The following FTO variants were observed in gnomAD, a reference collection of about 807,000 sequenced individuals.
FTO encodes the protein alpha-ketoglutarate-dependent dioxygenase FTO.
Under a neutral mutation model 63.9 loss-of-function variants are expected in FTO, and 47 were observed. The observed-to-expected ratio is 0.74, with a 90% CI of 0.58 to 0.94. The LOEUF (loss-of-function observed/expected upper bound fraction) is 0.94. FTO is among the 40% of genes least tolerant of loss of function. The probability of loss-of-function intolerance (pLI) is 0.00; values close to 1 mark genes in which losing one functional copy is unlikely to be tolerated. For synonymous variants in FTO, 207 were observed against 224.4 expected (o/e 0.92, Z 0.69); for missense variants, 562 against 618.1 (o/e 0.91, Z 0.96).
At chr16:53,904,743 G>C (rs1347565155) in intron 7 of FTO, among the ~76,000 whole-genome samples, 1 of 152,116 alleles carries the variant, frequency 6.6e-6, no homozygotes, top group Non-Finnish European at 1.5e-5. Context: ...GTTGGAATCT[G>C]TTCAGGTCTG....
At chr16:53,834,005 C>T (rs1421149887) in intron 3 of FTO, among the ~76,000 whole-genome samples, 1 of 151,716 alleles carries the variant, frequency 6.6e-6, no homozygotes, top group African/African-American at 2.4e-5. Context: ...GCAATATTTT[C>T]TTCAAGGATA....
In FTO at chr16:53,873,828, C is replaced by T. The variant is rs1462889039; in HGVS notation, c.938C>T (p.Ser313Leu). The stretch of plus-strand genomic sequence containing the variant: ...CACCAACACTGTGTTTTGGCCGGTT[C>T]ACAACCTCGGTTTAGTTCCACCCAC... ...ATHQHCVLAG[S>L]QPRFSSTHRV... Residue 313 changes from serine (S) to leucine (L), a missense_variant, in exon 5 of 9, where the codon TCA becomes TTA. Physicochemically the swap from Ser to Leu is moderately radical, Grantham distance 145 (BLOSUM62 -2). Coordinates refer to ENST00000471389, the MANE Select transcript of FTO (RefSeq NM_001080432.3). The T allele has an allele frequency of 6.2e-7, 1 of 1,613,114 alleles. No homozygotes were observed. The highest frequency in any genetic ancestry group is 8.5e-7 in the Non-Finnish European group (1 of 1,179,314).
At chr16:53,934,175 T>C in intron 8 of FTO, 66 bp downstream of exon 8, 1 of 1,556,896 alleles carries the variant, frequency 6.4e-7, no homozygotes, top group Non-Finnish European at 8.8e-7. Context: ...GGCCAAGCCC[T>C]TCCTTATGGC....
chr16:53,836,262 A>G (rs866267088), intron 3 of FTO, among the ~76,000 whole-genome samples: 8 of 152,310 alleles, frequency 5.3e-5, no homozygotes, highest in Middle Eastern at 6.8e-3. Context: ...TGCTGTAAAC[A>G]TATCTGTGTA....
chr16:53,779,167 C>A (rs2077529928), intron 1 of FTO, among the ~76,000 whole-genome samples: 1 of 152,128 alleles, frequency 6.6e-6, no homozygotes, highest in African/African-American at 2.4e-5. Flanking sequence ...AACATCATCC[C>A]TTTGCTGGTG....
intron 7 of FTO, among the ~76,000 whole-genome samples, chr16:53,901,541 A>G (rs1370290353): frequency 6.6e-6 from 1 of 152,172 alleles, no homozygotes; most frequent in Non-Finnish European, 1.5e-5. Flanking sequence ...GCTGAAATAG[A>G]GTGGTTTCTT....
chr16:54,007,855 C>G (rs1302625887), intron 8 of FTO, among the ~76,000 whole-genome samples: 1 of 152,204 alleles, frequency 6.6e-6, no homozygotes, highest in African/African-American at 2.4e-5. Flanking sequence ...ACTCTACAAG[C>G]CAAATAAAAC....
At chr16:53,878,610 A>G (rs1184329349) in intron 5 of FTO, among the ~76,000 whole-genome samples, 1 of 152,242 alleles carries the variant, frequency 6.6e-6, no homozygotes, top group Non-Finnish European at 1.5e-5. Flanking sequence ...TATAAATAAT[A>G]AAACCAAAAT....
chr16:53,911,589 G>C, intron 7 of FTO: 1 of 663,144 alleles, frequency 1.5e-6, no homozygotes, highest in Non-Finnish European at 2.8e-6. Flanking sequence ...GTGTGGCACT[G>C]ATGTTTACAG....
chr16:54,035,211 A>C (rs543694381), intron 8 of FTO, among the ~76,000 whole-genome samples: 110 of 152,364 alleles, frequency 7.2e-4, no homozygotes, highest in Admixed American at 3.9e-3. Flanking sequence ...AGTAATTTAC[A>C]GGTATATAAA....
intron 6 of FTO, among the ~76,000 whole-genome samples, chr16:53,888,316 G>C (rs974042918): frequency 1.1e-5 from 1 of 91,646 alleles, no homozygotes; most frequent in African/African-American, 3.6e-5. Flanking sequence ...GAATCCTCTT[G>C]CCTCAGCCTC....
chr16:53,720,760 T>C (rs2076021882), intron 1 of FTO, among the ~76,000 whole-genome samples: 1 of 151,436 alleles, frequency 6.6e-6, no homozygotes, highest in South Asian at 2.1e-4. Flanking sequence ...ACTGGATGTT[T>C]TCTGAGATGT....
intron 4 of FTO, among the ~76,000 whole-genome samples, chr16:53,864,501 A>G (rs966064637): frequency 2.0e-5 from 3 of 152,130 alleles, no homozygotes; most frequent in African/African-American, 4.8e-5. Flanking sequence ...GTGGTCTTTT[A>G]TATATGAAAT....
intron 1 of FTO, among the ~76,000 whole-genome samples, chr16:53,769,358 A>T (rs186754298): frequency 3.3e-5 from 5 of 152,138 alleles, no homozygotes; most frequent in Admixed American, 1.3e-4. Flanking sequence ...TCTGTCACTT[A>T]CTCATTGTTT....
intron 8 of FTO, among the ~76,000 whole-genome samples, chr16:54,034,461 G>A (rs941789868): frequency 6.6e-6 from 1 of 152,168 alleles, no homozygotes; most frequent in African/African-American, 2.4e-5. Context: ...ATTGGAATGA[G>A]GAAGCTTTTA....
chr16:53,883,924 G>T (rs544017419), intron 6 of FTO, among the ~76,000 whole-genome samples: 2 of 152,306 alleles, frequency 1.3e-5, no homozygotes, highest in East Asian at 3.9e-4. Flanking sequence ...TTTAGCAGTT[G>T]CATGCTCGCT....
intron 7 of FTO, among the ~76,000 whole-genome samples, chr16:53,890,028 G>A (rs549574160): frequency 7.9e-5 from 12 of 152,250 alleles, no homozygotes; most frequent in African/African-American, 2.9e-4. Flanking sequence ...GCTAATAGGT[G>A]AGGGAGCTGG....
rs560230096 is a variant in FTO, at chr16:53,774,781, C to T, written c.46-35359C>T. Reference sequence around the variant, plus strand: ...AGGGTAGCCGCTCATCTGTCACACTCGGGAAGGGCTAAGAATCAGGAGTCA... The same window carrying T: ...AGGGTAGCCGCTCATCTGTCACACTTGGGAAGGGCTAAGAATCAGGAGTCA... On this transcript the variant is annotated intron_variant, in intron 1 of 8. Coordinates refer to ENST00000471389, the MANE Select transcript of FTO (RefSeq NM_001080432.3). 5.9e-5 allele frequency among the ~76,000 whole-genome samples: 9 copies of T among 152,124 alleles called. 1 individual carries two copies. Among genetic ancestry groups the T allele is most frequent in the African/African-American group, 2.2e-4 (9 of 41,494 alleles).
chr16:53,854,890 G>A (rs1002674567), intron 4 of FTO, among the ~76,000 whole-genome samples: 1 of 152,050 alleles, frequency 6.6e-6, no homozygotes, highest in Non-Finnish European at 1.5e-5. Context: ...TCATTTTCAT[G>A]ATATTGATTC....
Sources: gnomAD v4.1 joint callset for allele counts (sites outside exome capture counted in the v4.1 genomes callset) on GRCh38, gnomAD v4.1.1 for gene constraint, MANE v1.5 for transcripts, NCBI Gene and HGNC (gene_info 2026-07-23, HGNC 2026-07-21) for gene names.